ASB4: variants seen among roughly 807,000 people sequenced by gnomAD.
The protein encoded by ASB4 is ankyrin repeat and SOCS box protein 4.
ASB4 carries 35 observed loss-of-function variants against 38.6 expected under a neutral mutation model. That is an observed-to-expected ratio of 0.91 (90% CI 0.69 to 1.20). The LOEUF (loss-of-function observed/expected upper bound fraction) is 1.20, where lower values mean the gene tolerates loss of function less well. Ranked by LOEUF, ASB4 falls within the 50% of genes most tolerant of loss-of-function variation. The probability of loss-of-function intolerance (pLI) is 0.00; values close to 1 mark genes in which losing one functional copy is unlikely to be tolerated. For missense variants in ASB4, 557 were observed against 527.2 expected, an observed-to-expected ratio of 1.06 and a Z score of -0.55; for synonymous variants, 195 against 201.3, an observed-to-expected ratio of 0.97 and a Z score of 0.26.
intron 2 of ASB4, among the ~76,000 whole-genome samples, chr7:95,515,336 T>C (rs13244302): frequency 0.11 from 9,792 of 91,658 alleles, 614 homozygotes; most frequent in Middle Eastern, 0.16. Context: ...TTCCTTCCTT[T>C]CTTTCTTTCT....
At chr7:95,537,438 T>C (rs1486358658) in intron 4 of ASB4, 133 bp from the exon 5 acceptor site, 1 of 620,196 alleles carries the variant, frequency 1.6e-6, no homozygotes, top group Non-Finnish European at 2.7e-6. Context: ...ATATTGCGTT[T>C]AATTTTTGCC....
At chr7:95,519,381 G>A (rs1033872056) in intron 2 of ASB4, among the ~76,000 whole-genome samples, 2 of 152,214 alleles carry the variant, frequency 1.3e-5, no homozygotes, top group Non-Finnish European at 2.9e-5. Flanking sequence ...AATTCGTGCT[G>A]TGAGAAGTAA....
rs750427927 is a variant in ASB4, at chr7:95,527,955, C to A, written c.630C>A (p.Thr210=). The change falls in exon 3 of 5, where the codon ACC becomes ACA. Residue 210 remains threonine (T), a synonymous_variant. Coordinates refer to ENST00000325885, the MANE Select transcript of ASB4 (RefSeq NM_016116.3). Reference sequence around the variant, plus strand: ...ACAGCGTGAATGCCCACATGGAGACCCCCCTGGCCATCGCCGCCTACTGGG... The same window carrying A: ...ACAGCGTGAATGCCCACATGGAGACACCCCTGGCCATCGCCGCCTACTGGG... The part of the protein sequence containing the change: ...IVDSVNAHME[T]PLAIAAYWAL... 10 of 1,614,106 alleles carry A rather than the reference C, an allele frequency of 6.2e-6. 1 individual carries two copies. The East Asian group carries it at 2.2e-4, about 36-fold the overall frequency.
intron 2 of ASB4, among the ~76,000 whole-genome samples, chr7:95,511,101 T>TA (rs1406824244): frequency 6.6e-6 from 1 of 152,028 alleles, no homozygotes; most frequent in African/African-American, 2.4e-5. Flanking sequence ...AACATACAAA[T>TA]AGGGGAAATG....
chr7:95,479,594 C>A (rs536663983), intron 1 of ASB4, among the ~76,000 whole-genome samples: 7 of 152,140 alleles, frequency 4.6e-5, no homozygotes, highest in African/African-American at 1.7e-4. Flanking sequence ...TGTGTTTGCC[C>A]CACTTTTTTG....
chr7:95,550,736 A>T, the ASB4 span, among the ~76,000 whole-genome samples: 1 of 152,186 alleles, frequency 6.6e-6, no homozygotes, highest in African/African-American at 2.4e-5. Context: ...GCCCAGGAAG[A>T]GTCTGAGTTG....
At chr7:95,490,272 TA>T (rs1250990656) in intron 1 of ASB4, among the ~76,000 whole-genome samples, 3 of 152,252 alleles carry the variant, frequency 2.0e-5, no homozygotes, top group Non-Finnish European at 2.9e-5. Context: ...CTTTATCACC[TA>T]ATTTTCCTCT....
At chr7:95,525,689 A>G (rs568868650) in intron 2 of ASB4, among the ~76,000 whole-genome samples, 9 of 152,318 alleles carry the variant, frequency 5.9e-5, no homozygotes, top group African/African-American at 1.7e-4. Flanking sequence ...GACCCTGCAC[A>G]TGGCTTCTGG....
chr7:95,499,054 T>C (rs766837992), intron 2 of ASB4, among the ~76,000 whole-genome samples: 3 of 152,224 alleles, frequency 2.0e-5, no homozygotes, highest in Non-Finnish European at 2.9e-5. Context: ...GCCACAGGTT[T>C]GTATCAAGTC....
chr7:95,510,224 G>A (rs1474429807), intron 2 of ASB4, among the ~76,000 whole-genome samples: 2 of 152,128 alleles, frequency 1.3e-5, no homozygotes, highest in Admixed American at 1.3e-4. Flanking sequence ...GTCCCATCAA[G>A]GCAATCGTTT....
In ASB4 at chr7:95,536,513, C is replaced by T; in HGVS notation, c.1055C>T (p.Thr352Ile). The change falls in exon 4 of 5, where the codon ACA (threonine) becomes ATA (isoleucine). Residue 352 changes from threonine to isoleucine, a missense_variant. Physicochemically the swap from Thr to Ile is moderately conservative, Grantham distance 89 (BLOSUM62 -1). Transcript: ENST00000325885. Reference protein sequence around the residue: ...VNAYEHIRWNTKWRRAIPDDD... With the variant: ...VNAYEHIRWNIKWRRAIPDDD... ...GCCTATGAACACATCAGATGGAACA[C>T]AAAGTGGAGAAGAGCTATCCCCGAT... is the stretch of plus-strand genomic sequence containing the variant. 1 of 1,612,922 alleles carries T rather than the reference C, an allele frequency of 6.2e-7. No individual in the cohort carries two copies. The highest frequency in any genetic ancestry group is 8.5e-7 in the Non-Finnish European group (1 of 1,179,052).
Position 95,515,267 on chromosome 7 carries a change from CTCTTTCTTTCTTTCTT to C in ASB4, c.488-12509_488-12494del, listed in dbSNP as rs1227960057. On this transcript the variant is annotated intron_variant, in intron 2 of 4. Coordinates refer to ENST00000325885, the MANE Select transcript of ASB4 (RefSeq NM_016116.3). ...TCTTTCTTTCCTTCTTTCTTTCTTT[CTCTTTCTTTCTTTCTT>C]TCTTTCTTTCTTTCTTTCTTTCTTT... Among the ~76,000 whole-genome samples the C allele has an allele frequency of 6.6e-3, 478 of 72,614 alleles. 9 individuals carry two copies. The highest frequency in any genetic ancestry group is 0.021 in the African/African-American group (439 of 20,698). 47.6% of individuals were successfully genotyped at this position (72,614 alleles called of 152,430 possible). A position where few individuals can be genotyped will look rare whatever the true frequency, so the allele number is the denominator to read the frequency against.
intron 2 of ASB4, among the ~76,000 whole-genome samples, chr7:95,511,971 A>C (rs184388461): frequency 6.6e-6 from 1 of 152,276 alleles, no homozygotes; most frequent in East Asian, 1.9e-4. Flanking sequence ...TTTTTGCCTT[A>C]TTCTGTGGAT....
intron 2 of ASB4, among the ~76,000 whole-genome samples, chr7:95,521,152 T>C (rs112181689): frequency 0.034 from 5,249 of 152,228 alleles, 111 homozygotes; most frequent in Middle Eastern, 0.075. Context: ...ATAAAAATTT[T>C]ATCATTTCCT....
intron 2 of ASB4, among the ~76,000 whole-genome samples, chr7:95,522,717 T>C (rs563641793): frequency 6.6e-6 from 1 of 152,324 alleles, no homozygotes; most frequent in Non-Finnish European, 1.5e-5. Flanking sequence ...GGGGTCTCCA[T>C]CTTCTCTGCT....
intron 2 of ASB4, 96 bp from the exon 3 acceptor site, chr7:95,527,717 T>TA (rs1190907440): frequency 3.3e-6 from 4 of 1,222,676 alleles, no homozygotes; most frequent in Middle Eastern, 5.7e-4. Context: ...AGTCAGAAGT[T>TA]AAAAGAGAAG....
intron 4 of ASB4, 62 bp downstream of exon 4, chr7:95,536,612 G>A: frequency 8.1e-7 from 1 of 1,237,210 alleles, no homozygotes; most frequent in Non-Finnish European, 1.1e-6. Flanking sequence ...TGCTCTAGAA[G>A]TACAGAAAAT....
At chr7:95,515,163 C>CTCTCTCT (rs1160348342) in intron 2 of ASB4, among the ~76,000 whole-genome samples, 130 of 129,828 alleles carry the variant, frequency 1.0e-3, no homozygotes, top group African/African-American at 3.7e-3. Context: ...CTTTCTTTCT[C>CTCTCTCT]TTTCTCTTTC....
intron 2 of ASB4, among the ~76,000 whole-genome samples, chr7:95,515,221 C>A (rs1790548911): frequency 9.0e-6 from 1 of 111,706 alleles, no homozygotes; most frequent in African/African-American, 3.8e-5. Flanking sequence ...TTCTTTCTTT[C>A]TTTCTTTCTT....
Sources: gnomAD v4.1 joint callset for allele counts (sites outside exome capture counted in the v4.1 genomes callset) on GRCh38, gnomAD v4.1.1 for gene constraint, MANE v1.5 for transcripts, NCBI Gene and HGNC (gene_info 2026-07-23, HGNC 2026-07-21) for gene names.